HDAC4: variants seen among roughly 807,000 people sequenced by gnomAD.
The protein encoded by HDAC4 is histone deacetylase A.
HDAC4 carries 16 observed loss-of-function variants against 135.1 expected under a neutral mutation model. The ratio of observed to expected loss-of-function variants is 0.12; its 90% CI spans 0.08 to 0.18. HDAC4 has a LOEUF of 0.18. Among genes scored for constraint, HDAC4 ranks in the 10% least tolerant of loss-of-function variants. The pLI is 1.00. For synonymous variants in HDAC4, 685 were observed against 653.4 expected (o/e 1.05, Z -0.74); for missense variants, 1,143 against 1,511.8 (o/e 0.76, Z 4.05).
chr2:239,355,660 T>C (rs1014729662), intron 1 of HDAC4, among the ~76,000 whole-genome samples: 1 of 152,238 alleles, frequency 6.6e-6, no homozygotes, highest in Non-Finnish European at 1.5e-5. Flanking sequence ...CCCTCTTCCA[T>C]ACATTCTGGG....
chr2:239,069,756 A>C (rs13014741), intron 22 of HDAC4, among the ~76,000 whole-genome samples: 2 of 66,380 alleles, frequency 3.0e-5, no homozygotes, highest in Non-Finnish European at 6.2e-5. Flanking sequence ...AGGGAGTCAC[A>C]GTGCAAGCCA....
chr2:239,160,561 A>G (rs2042726802), intron 6 of HDAC4, among the ~76,000 whole-genome samples: 1 of 152,204 alleles, frequency 6.6e-6, no homozygotes. Flanking sequence ...TGAATTTCCC[A>G]TCAGTGGAGT....
rs1329164524 is a variant in HDAC4, at chr2:239,089,991, G to T, written c.2388+18C>A. ...GCAGGCCTCCTGGAGGGCCACCACT[G>T]TCCAGGCCCCGACTGACCTTCAGCT... On this transcript the variant is annotated intron_variant, in intron 18 of 26. Coordinates refer to ENST00000543185, the MANE Select transcript of HDAC4 (RefSeq NM_001378414.1). 1.3e-6 allele frequency: 2 copies of T among 1,581,236 alleles called. No individual in the cohort carries two copies. The highest frequency in any genetic ancestry group is 3.3e-5 in the Admixed American group (2 of 59,976).
intron 8 of HDAC4, among the ~76,000 whole-genome samples, chr2:239,144,053 G>A (rs1036317216): frequency 1.3e-5 from 2 of 152,130 alleles, no homozygotes; most frequent in Admixed American, 6.5e-5. Flanking sequence ...GTCCTTCTGC[G>A]TGTCCACCAC....
At chr2:239,202,369 C>T (rs1052106126) in intron 3 of HDAC4, among the ~76,000 whole-genome samples, 6 of 152,132 alleles carry the variant, frequency 3.9e-5, no homozygotes, top group African/African-American at 9.7e-5. Flanking sequence ...ACTTAAGACA[C>T]GAGAAGAAAC....
chr2:239,298,690 G>A (rs577824241), intron 2 of HDAC4: 349 of 903,686 alleles, frequency 3.9e-4, no homozygotes, highest in Middle Eastern at 5.7e-4. Context: ...CCAACAACGT[G>A]GAAATCATGA....
At position 239,313,891 on chromosome 2, in the gene HDAC4, T is replaced by C. The variant is rs544307699; in HGVS notation, c.22+38787A>G. Among the ~76,000 whole-genome samples, 2 of 152,286 alleles carry C rather than the reference T, an allele frequency of 1.3e-5. No individual in the cohort carries two copies. Among genetic ancestry groups the C allele is most frequent in the South Asian group, 2.1e-4 (1 of 4,822 alleles). On this transcript the variant is annotated intron_variant, in intron 2 of 26. Coordinates refer to ENST00000543185, the MANE Select transcript of HDAC4 (RefSeq NM_001378414.1). The surrounding 1 kb of genome is among the most constrained non-coding windows in gnomAD (Gnocchi z 5.1). Reference sequence around the variant, plus strand: ...CCTGTCCTGGGGCAGCCACCTGCACTGCCTCTTACCACTGCACCGTCCCTG... The same window carrying C: ...CCTGTCCTGGGGCAGCCACCTGCACCGCCTCTTACCACTGCACCGTCCCTG...
intron 2 of HDAC4, among the ~76,000 whole-genome samples, chr2:239,292,761 T>C (rs1256445214): frequency 6.6e-6 from 1 of 152,082 alleles, no homozygotes; most frequent in Non-Finnish European, 1.5e-5. Context: ...GGAAGTTCAT[T>C]ACCAGAAGCC....
At chr2:239,173,474 G>A (rs777736033) in intron 5 of HDAC4, among the ~76,000 whole-genome samples, 2 of 151,952 alleles carry the variant, frequency 1.3e-5, no homozygotes, top group African/African-American at 2.4e-5. Context: ...TTGAAACCCC[G>A]AGCAAACAAG....
Position 239,274,689 on chromosome 2 carries a change from G to A in HDAC4, c.23-38025C>T, listed in dbSNP as rs549185642. On this transcript the variant is annotated intron_variant, in intron 2 of 26. Coordinates refer to ENST00000543185, the MANE Select transcript of HDAC4 (RefSeq NM_001378414.1). ...ACTTTCCCAGATGGCCCTCCACGGC[G>A]GGGCTCTCTCAGCCCAGCACAGTGC... Among the ~76,000 whole-genome samples the A allele has an allele frequency of 2.1e-3, 320 of 152,328 alleles. 2 individuals are homozygous for A. Among genetic ancestry groups the A allele is most frequent in the African/African-American group, 7.4e-3 (309 of 41,580 alleles).
chr2:239,063,720 C>T (rs917975694), intron 24 of HDAC4, among the ~76,000 whole-genome samples: 13 of 152,200 alleles, frequency 8.5e-5, no homozygotes, highest in African/African-American at 2.9e-4. Context: ...ACTGTCCTCC[C>T]GTGAGGTGCC....
chr2:239,153,406 A>G (rs1466728932), intron 7 of HDAC4, among the ~76,000 whole-genome samples: 3 of 152,218 alleles, frequency 2.0e-5, no homozygotes, highest in Non-Finnish European at 4.4e-5. Context: ...CATTCAAGGA[A>G]CTTCATAACT....
chr2:239,145,311 C>T lies in HDAC4; in HGVS notation c.734-597G>A, dbSNP rs1025633866. ...CCCACCCCGACCTGGGGAGGCTCAG[C>T]AGAGCCCATCCCAACATCTGCGCCG... On this transcript the variant is annotated intron_variant, in intron 7 of 26. Coordinates refer to ENST00000543185, the MANE Select transcript of HDAC4 (RefSeq NM_001378414.1). 9.9e-5 allele frequency among the ~76,000 whole-genome samples: 15 copies of T among 152,124 alleles called. No homozygotes were observed. In the East Asian group the frequency reaches 1.9e-3, roughly 20 times the overall value.
intron 5 of HDAC4, among the ~76,000 whole-genome samples, chr2:239,168,914 C>A (rs866165625): frequency 2.0e-5 from 3 of 152,166 alleles, no homozygotes; most frequent in African/African-American, 4.8e-5. Context: ...CCGCCTGTGA[C>A]GGGGCTAGAG....
At chr2:239,065,302 A>G (rs977929313) in intron 24 of HDAC4, among the ~76,000 whole-genome samples, 12 of 152,214 alleles carry the variant, frequency 7.9e-5, no homozygotes, top group African/African-American at 1.4e-4. Flanking sequence ...TGGGACCAGC[A>G]CCTTGGTCTG....
upstream of HDAC4, among the ~76,000 whole-genome samples, chr2:239,401,216 G>A (rs1010784503): frequency 2.6e-5 from 4 of 151,964 alleles, no homozygotes; most frequent in African/African-American, 9.7e-5. Flanking sequence ...CGCCTGGCCG[G>A]CCTTCCATTG....
intron 2 of HDAC4, among the ~76,000 whole-genome samples, chr2:239,325,006 C>T (rs1048533854): frequency 6.6e-6 from 1 of 152,216 alleles, no homozygotes; most frequent in African/African-American, 2.4e-5. Flanking sequence ...ACATCCTCTT[C>T]AACAAATGGT....
intron 11 of HDAC4, among the ~76,000 whole-genome samples, chr2:239,129,546 T>C (rs1034362942): frequency 3.9e-5 from 6 of 152,292 alleles, no homozygotes; most frequent in Admixed American, 6.5e-5. Context: ...GCTTCTGCTC[T>C]TTCTGCCCTG....
chr2:239,263,325 G>T (rs1374038798), intron 2 of HDAC4, among the ~76,000 whole-genome samples: 1 of 71,098 alleles, frequency 1.4e-5, no homozygotes. Flanking sequence ...GAGGACCCCC[G>T]CCCATCCCAG....
Sources: allele counts gnomAD v4.1 joint callset (sites outside exome capture counted in the v4.1 genomes callset), GRCh38; gene constraint gnomAD v4.1.1; non-coding constraint Gnocchi (gnomAD v3.1); transcripts MANE v1.5; gene names NCBI Gene and HGNC (gene_info 2026-07-23, HGNC 2026-07-21).